The following PITPNM2 variants were observed in gnomAD, a reference collection of about 807,000 sequenced individuals.
The protein encoded by PITPNM2 is phosphatidylinositol transfer protein membrane associated 2, also known as membrane-associated phosphatidylinositol transfer protein 2.
PITPNM2 carries 35 observed loss-of-function variants against 132.2 expected under a neutral mutation model. The ratio of observed to expected loss-of-function variants is 0.26; its 90% CI spans 0.20 to 0.35. PITPNM2 has a LOEUF of 0.35. PITPNM2 is among the 10% of genes least tolerant of loss of function. The pLI is 1.00. For synonymous variants in PITPNM2, 738 were observed against 799.2 expected (o/e 0.92, Z 1.29); for missense variants, 1,332 against 1,912.0 (o/e 0.70, Z 5.66).
At chr12:123,115,639 T>C (rs1472400602) in intron 1 of PITPNM2, among the ~76,000 whole-genome samples, 1 of 152,104 alleles carries the variant, frequency 6.6e-6, no homozygotes, top group East Asian at 1.9e-4. Flanking sequence ...GGTAGCATTA[T>C]GTAAAATCCC....
chr12:123,128,974 A>C (rs796375059), intron 1 of PITPNM2, among the ~76,000 whole-genome samples: 2 of 152,190 alleles, frequency 1.3e-5, no homozygotes, highest in South Asian at 4.1e-4. Flanking sequence ...GTCTTTACTA[A>C]AAATACAAAA....
At chr12:123,081,190 C>G (rs1441546325) in intron 2 of PITPNM2, 1 of 152,248 alleles carries the variant, frequency 6.6e-6, no homozygotes, top group Admixed American at 6.5e-5. Context: ...TGTCCACAGC[C>G]TAGCTCCAGA....
chr12:123,066,794 C>A (rs1477931643), intron 2 of PITPNM2, among the ~76,000 whole-genome samples: 1 of 150,084 alleles, frequency 6.7e-6, no homozygotes, highest in Non-Finnish European at 1.5e-5. Context: ...TGGCTGCCTA[C>A]TGGACCCCCT....
At chr12:123,101,011 GT>G (rs2042550951) in intron 2 of PITPNM2, among the ~76,000 whole-genome samples, 1 of 152,180 alleles carries the variant, frequency 6.6e-6, no homozygotes, top group Non-Finnish European at 1.5e-5. Flanking sequence ...TGCCAGCCAG[GT>G]GCATGGCCAC....
chr12:123,130,033 T>A (rs1278672828), intron 1 of PITPNM2, among the ~76,000 whole-genome samples: 1 of 152,000 alleles, frequency 6.6e-6, no homozygotes, highest in East Asian at 1.9e-4. Context: ...GCCTCCCAAG[T>A]GCTGGGACTA....
At chr12:122,990,804 T>G in intron 16 of PITPNM2, 95 bp from the exon 17 acceptor site, 1 of 1,321,164 alleles carries the variant, frequency 7.6e-7, no homozygotes, top group Non-Finnish European at 1.0e-6. Flanking sequence ...AGTGTGCACC[T>G]AGACTGGAGG....
intron 3 of PITPNM2, among the ~76,000 whole-genome samples, chr12:123,016,200 C>T (rs2039417988): frequency 6.6e-6 from 1 of 152,044 alleles, no homozygotes; most frequent in Non-Finnish European, 1.5e-5. Context: ...GTGGCACACT[C>T]CTGTAATCCC....
intron 3 of PITPNM2, among the ~76,000 whole-genome samples, chr12:123,032,383 A>G (rs1205872999): frequency 6.6e-6 from 1 of 152,230 alleles, no homozygotes; most frequent in Non-Finnish European, 1.5e-5. Context: ...AGGCTGAGGC[A>G]TGAGAATCGC....
At chr12:123,011,670 C>T (rs1246851253) in intron 5 of PITPNM2, among the ~76,000 whole-genome samples, 2 of 152,154 alleles carry the variant, frequency 1.3e-5, no homozygotes, top group African/African-American at 4.8e-5. Context: ...AAGAGGTAGA[C>T]AGACACAGAG....
At chr12:123,055,066 AAAAAG>A (rs892756730) in intron 2 of PITPNM2, among the ~76,000 whole-genome samples, 40 of 152,318 alleles carry the variant, frequency 2.6e-4, no homozygotes, top group East Asian at 5.8e-4. Context: ...CAGTCTCAAA[AAAAAG>A]AAAAGAAAAG....
intron 6 of PITPNM2, among the ~76,000 whole-genome samples, chr12:123,006,990 C>T (rs1249863034): frequency 6.6e-6 from 1 of 152,178 alleles, no homozygotes; most frequent in Non-Finnish European, 1.5e-5. Flanking sequence ...GAGACATCCA[C>T]ATCCACAGCC....
chr12:123,118,892 C>T (rs1238279789), intron 1 of PITPNM2, among the ~76,000 whole-genome samples: 4 of 152,222 alleles, frequency 2.6e-5, no homozygotes, highest in East Asian at 1.9e-4. Flanking sequence ...TAAGTATTGT[C>T]GAACACATGG....
Position 122,992,403 on chromosome 12 carries a change from C to G in PITPNM2, c.2404+96G>C. 7.0e-7 allele frequency: 1 copy of G among 1,428,734 alleles called. No individual in the cohort carries two copies. The highest frequency in any genetic ancestry group is 9.4e-7 in the Non-Finnish European group (1 of 1,069,426). The allele number at this position is 1,428,734 out of a possible 1,614,324, so 88.5% of individuals were successfully genotyped here. On this transcript the variant is annotated intron_variant, in intron 16 of 25. Coordinates refer to ENST00000320201, the MANE Select transcript of PITPNM2 (RefSeq NM_020845.3). This position sits in a 1 kb window ranked among gnomAD's most constrained non-coding sequence, Gnocchi z 6.5. The stretch of plus-strand genomic sequence containing the variant: ...ATTCAGCACAAGCTGTCCCTCTCAC[C>G]TGGGGAAGAACCACGTAGCATGGAG...
intron 3 of PITPNM2, among the ~76,000 whole-genome samples, chr12:123,016,711 T>C (rs1031083311): frequency 4.6e-5 from 7 of 152,014 alleles, no homozygotes; most frequent in East Asian, 1.9e-4. Context: ...TGGAACCCTA[T>C]TGGTGGGAAT....
At chr12:123,001,449 C>T (rs1055902644) in intron 8 of PITPNM2, among the ~76,000 whole-genome samples, 7 of 152,270 alleles carry the variant, frequency 4.6e-5, no homozygotes, top group African/African-American at 1.4e-4. Context: ...GCCTCATACC[C>T]GGGAGCAGTG....
In PITPNM2 at chr12:122,987,771, C is replaced by T. The variant is rs778236339; in HGVS notation, c.3114+14G>A. On this transcript the variant is annotated intron_variant, in intron 21 of 25. Coordinates refer to ENST00000320201, the MANE Select transcript of PITPNM2 (RefSeq NM_020845.3). ...AAAGTCCCTCCATGTTACCCCTACC[C>T]GCCGTGTCCTTACCTTCTCCCCAGT... is the stretch of plus-strand genomic sequence containing the variant. The T allele has an allele frequency of 1.8e-5, 29 of 1,613,796 alleles. No homozygotes were observed. The highest frequency in any genetic ancestry group is 2.7e-5 in the African/African-American group (2 of 75,044).
chr12:123,144,817 G>C (rs560328184), intron 1 of PITPNM2, among the ~76,000 whole-genome samples: 3 of 152,110 alleles, frequency 2.0e-5, no homozygotes, highest in Non-Finnish European at 2.9e-5. Context: ...CACCCGCCTC[G>C]GCCTCCCAAA....
rs182167058 is a variant in PITPNM2 at position 123,099,667 on chromosome 12, C to G, written c.-96+10718G>C. Among the ~76,000 whole-genome samples the G allele has an allele frequency of 6.6e-6, 1 of 152,278 alleles. No individual in the cohort carries two copies. Among genetic ancestry groups the G allele is most frequent in the Admixed American group, 6.5e-5 (1 of 15,306 alleles). On this transcript the variant is annotated intron_variant, in intron 2 of 25. Coordinates refer to ENST00000320201, the MANE Select transcript of PITPNM2 (RefSeq NM_020845.3). The surrounding 1 kb of genome is among the most constrained non-coding windows in gnomAD (Gnocchi z 4.2). Reference sequence around the variant, plus strand: ...TTAATGACCCAAACAGCTCCTGGCTCCTGGATGCCTGGCTCCAGGTCCCAC... The same window carrying G: ...TTAATGACCCAAACAGCTCCTGGCTGCTGGATGCCTGGCTCCAGGTCCCAC...
Position 122,986,670 on chromosome 12 carries a change from G to A in PITPNM2, c.3573C>T (p.Asn1191=). 1 of 1,613,350 alleles carries A rather than the reference G, an allele frequency of 6.2e-7. No homozygotes were observed. Among genetic ancestry groups the A allele is most frequent in the Non-Finnish European group, 8.5e-7 (1 of 1,179,922 alleles). ...LVHDPLRHKA[N]FLKLLISELH... ...CCTCGGAGATGAGCAGCTTCAGGAA[G>A]TTGGCCTTGTGCCGCAGCGGGTCAT... is the stretch of plus-strand genomic sequence containing the variant. The change falls in exon 24 of 26, where the codon AAC becomes AAT. Residue 1191 remains asparagine (N), a synonymous_variant. Transcript: ENST00000320201.
Sources: allele counts gnomAD v4.1 joint callset (sites outside exome capture counted in the v4.1 genomes callset), GRCh38; gene constraint gnomAD v4.1.1; non-coding constraint Gnocchi (gnomAD v3.1); transcripts MANE v1.5; gene names NCBI Gene and HGNC (gene_info 2026-07-23, HGNC 2026-07-21).